Variants in HDHD2 observed in about 807,000 individuals in gnomAD.
The protein encoded by HDHD2 is haloacid dehalogenase-like hydrolase domain-containing protein 2.
In HDHD2, 26 loss-of-function variants were observed where a neutral mutation model predicts 24.8. That is an observed-to-expected ratio of 1.05 (90% confidence interval 0.77 to 1.45). The LOEUF (loss-of-function observed/expected upper bound fraction) is 1.45. HDHD2 is among the 40% of genes most tolerant of loss of function. The pLI, the probability that HDHD2 is intolerant of heterozygous loss-of-function variation, is 0.00. For synonymous variants in HDHD2, 128 were observed against 114.9 expected (o/e 1.11, Z -0.73); for missense variants, 299 against 313.4 (o/e 0.95, Z 0.35).
intron 6 of HDHD2, chr18:47,110,663 C>T (rs1303687294): frequency 2.0e-6 from 2 of 984,772 alleles, no homozygotes; most frequent in Admixed American, 1.2e-4. Context: ...CAATAACGTT[C>T]GTTGAGTGAA....
intron 1 of HDHD2, among the ~76,000 whole-genome samples, chr18:47,149,795 A>G (rs1432556509): frequency 6.6e-6 from 1 of 152,108 alleles, no homozygotes; most frequent in East Asian, 1.9e-4. Flanking sequence ...TGTCCTGGTT[A>G]CCAGCCCGCG....
chr18:47,124,706 C>CAA (rs34350751), intron 4 of HDHD2, among the ~76,000 whole-genome samples: 3,701 of 42,890 alleles, frequency 0.086, 276 homozygotes, highest in East Asian at 0.13. Context: ...AACTCTGACT[C>CAA]AAAAAAAAAA....
chr18:47,111,480 A>C, intron 6 of HDHD2: 1 of 985,218 alleles, frequency 1.0e-6, no homozygotes, highest in Non-Finnish European at 1.2e-6. Context: ...AAACAGCAAA[A>C]GGCAGGAATC....
chr18:47,110,299 A>T, intron 6 of HDHD2: 1 of 985,338 alleles, frequency 1.0e-6, no homozygotes. Flanking sequence ...TCAAATGTAC[A>T]AAGGTAATTA....
At position 47,115,282 on chromosome 18, in the gene HDHD2, G is replaced by C; in HGVS notation, c.462C>G (p.Gly154=). Residue 154 remains glycine (G), a synonymous_variant, in exon 5 of 7, where the codon GGC becomes GGG. Transcript: ENST00000300605. ...HKARYYKRKD[G]LALGPGPFVT... ...CAAATGGTCCAGGCCCCAGGGCTAA[G>C]CCATCTTTCCTCTTGTAATACCTGG... 6.2e-7 allele frequency: 1 copy of C among 1,614,022 alleles called. No homozygotes were observed. The highest frequency in any genetic ancestry group is 2.2e-5 in the East Asian group (1 of 44,876).
At chr18:47,123,218 G>A (rs1171748503) in intron 4 of HDHD2, among the ~76,000 whole-genome samples, 2 of 152,322 alleles carry the variant, frequency 1.3e-5, no homozygotes, top group Admixed American at 1.3e-4. Flanking sequence ...GAAGAAGACT[G>A]CTGGACAGAA....
rs141476363 is a variant in HDHD2, at chr18:47,108,777, G to C, written c.685C>G (p.Arg229Gly). The C allele has an allele frequency of 1.3e-6, 2 of 1,596,858 alleles. No individual in the cohort carries two copies. The highest frequency in any genetic ancestry group is 1.7e-6 in the Non-Finnish European group (2 of 1,165,592). Residue 229 changes from arginine to glycine, a missense_variant, in exon 7 of 7, where the codon CGA becomes GGA. Physicochemically the swap from Arg to Gly is moderately radical, Grantham distance 125 (BLOSUM62 -2). Transcript: ENST00000300605. ...TTAATTTTTTCTTCATCTGATGCTC[G>C]ATATTTCCCTGAAATGAAAGTAAAG... is the stretch of plus-strand genomic sequence containing the variant. ...LGILVKTGKY[R>G]ASDEEKINPP...
At chr18:47,118,009 A>C (rs1312879904) in intron 4 of HDHD2, among the ~76,000 whole-genome samples, 3 of 151,628 alleles carry the variant, frequency 2.0e-5, no homozygotes, top group Non-Finnish European at 4.4e-5. Context: ...AATTATAATA[A>C]TTACATATAT....
At chr18:47,135,689 T>G (rs770636561) in intron 2 of HDHD2, among the ~76,000 whole-genome samples, 8 of 152,260 alleles carry the variant, frequency 5.3e-5, no homozygotes, top group Non-Finnish European at 1.2e-4. Context: ...AGATCCTTAA[T>G]ATATGTTATT....
rs1390281166 is a variant in HDHD2, at chr18:47,150,407, G to GC, written c.-41dup. The GC allele has an allele frequency of 6.6e-6, 1 of 152,394 alleles. No individual in the cohort carries two copies. Among genetic ancestry groups the GC allele is most frequent in the Non-Finnish European group, 1.5e-5 (1 of 68,182 alleles). The allele number at this position is 152,394 out of a possible 1,614,324, so 9.4% of individuals were successfully genotyped here. On this transcript the variant is annotated 5_prime_UTR_variant, in exon 1 of 7. Transcript: ENST00000300605. The stretch of plus-strand genomic sequence containing the variant: ...ACTCCGTACGCCGTCCTCAGGAAAG[G>GC]CCCCCGCTAATGGCAAAGCCAGCCA...
chr18:47,148,188 A>T (rs1005742017), intron 1 of HDHD2, among the ~76,000 whole-genome samples: 3 of 151,960 alleles, frequency 2.0e-5, no homozygotes, highest in Non-Finnish European at 2.9e-5. Flanking sequence ...ACGGGGTTTC[A>T]CCACGTTGCC....
At chr18:47,127,217 G>A (rs2063667290) in intron 4 of HDHD2, among the ~76,000 whole-genome samples, 1 of 151,972 alleles carries the variant, frequency 6.6e-6, no homozygotes, top group Admixed American at 6.6e-5. Flanking sequence ...GCAATTCATT[G>A]TGCTTCTTAA....
At chr18:47,122,317 A>G (rs866533999) in intron 4 of HDHD2, among the ~76,000 whole-genome samples, 3 of 152,186 alleles carry the variant, frequency 2.0e-5, no homozygotes, top group Non-Finnish European at 2.9e-5. Context: ...GAAGCAGTAA[A>G]CTAGTTCAGG....
At position 47,115,197 on chromosome 18, in the gene HDHD2, T is replaced by C; in HGVS notation, c.547A>G (p.Thr183Ala). Residue 183 changes from threonine to alanine, a missense_variant, in exon 5 of 7, where the codon ACG becomes GCG. Coordinates refer to ENST00000300605, the MANE Select transcript of HDHD2 (RefSeq NM_032124.5). ...CCCCGCAATGCTTCCAAAAAGAACG[T>C]CTTCTCTGGTTTCCCCACGACTGTG... Reference protein sequence around the residue: ...KATVVGKPEKTFFLEALRGTG... With the variant: ...KATVVGKPEKAFFLEALRGTG... 1.2e-6 allele frequency: 2 copies of C among 1,613,934 alleles called. No individual in the cohort carries two copies. The highest frequency in any genetic ancestry group is 1.7e-6 in the Non-Finnish European group (2 of 1,179,902).
rs144461056 is a variant in HDHD2, at chr18:47,129,567, C to A, written c.395+677G>T. Among the ~76,000 whole-genome samples, 6 of 152,232 alleles carry A rather than the reference C, an allele frequency of 3.9e-5. No individual in the cohort carries two copies. In the East Asian group the frequency reaches 1.2e-3, roughly 29 times the overall value. On this transcript the variant is annotated intron_variant, in intron 4 of 6. Transcript: ENST00000300605. ...GATGGTCTCTGAATCTGTTTTTCTT[C>A]ATCTCCACTGCCACTATTCCAGTTC... is the stretch of plus-strand genomic sequence containing the variant.
chr18:47,112,626 T>C (rs532201795), intron 6 of HDHD2, among the ~76,000 whole-genome samples: 2 of 152,184 alleles, frequency 1.3e-5, no homozygotes, highest in Admixed American at 1.3e-4. Context: ...ATCACAGGTA[T>C]AGCCAGCACA....
At position 47,107,505 on chromosome 18, in the gene HDHD2, T is replaced by G. The variant is rs1477036713; in HGVS notation, c.*1177A>C. On this transcript the variant is annotated 3_prime_UTR_variant, in exon 7 of 7. Coordinates refer to ENST00000300605, the MANE Select transcript of HDHD2 (RefSeq NM_032124.5). ...AACCCGAAGCTCATTAACATCAGAGTGAGCTTCAATAAGGTGAACACTACA... is the reference window on the plus strand; with the variant it reads ...AACCCGAAGCTCATTAACATCAGAGGGAGCTTCAATAAGGTGAACACTACA... The G allele has an allele frequency of 6.6e-6, 1 of 152,506 alleles. No individual in the cohort carries two copies. The highest frequency in any genetic ancestry group is 1.9e-4 in the East Asian group (1 of 5,202). The allele number at this position is 152,506 out of a possible 1,614,324, so 9.4% of individuals were successfully genotyped here.
At chr18:47,133,059 A>C (rs890109753) in intron 3 of HDHD2, among the ~76,000 whole-genome samples, 4 of 152,064 alleles carry the variant, frequency 2.6e-5, no homozygotes, top group Non-Finnish European at 5.9e-5. Flanking sequence ...GGTTTGTTAC[A>C]TATGTATACA....
chr18:47,110,472 T>C, intron 6 of HDHD2: 2 of 984,858 alleles, frequency 2.0e-6, no homozygotes, highest in Non-Finnish European at 2.4e-6. Flanking sequence ...GACTAAATAT[T>C]ACTATATGAC....
Sources: gnomAD v4.1 joint callset for allele counts (sites outside exome capture counted in the v4.1 genomes callset) on GRCh38, gnomAD v4.1.1 for gene constraint, MANE v1.5 for transcripts, NCBI Gene and HGNC (gene_info 2026-07-23, HGNC 2026-07-21) for gene names.